The following ZMAT4 variants were observed in gnomAD, a reference collection of about 807,000 sequenced individuals.
The protein encoded by ZMAT4 is zinc finger matrin-type protein 4.
ZMAT4 carries 17 observed loss-of-function variants against 28.7 expected under a neutral mutation model. The ratio of observed to expected loss-of-function variants is 0.59; its 90% CI spans 0.41 to 0.89. The LOEUF (loss-of-function observed/expected upper bound fraction) is 0.89. Among genes scored for constraint, ZMAT4 ranks in the 40% least tolerant of loss-of-function variants. The pLI is 0.00. For missense variants in ZMAT4, 240 were observed against 283.8 expected (o/e 0.85, Z 1.11); for synonymous variants, 117 against 109.2 (o/e 1.07, Z -0.44).
intron 5 of ZMAT4, among the ~76,000 whole-genome samples, chr8:40,620,257 T>C (rs1346741960): frequency 6.6e-6 from 1 of 152,192 alleles, no homozygotes; most frequent in Admixed American, 6.5e-5. Context: ...CTAACTATAA[T>C]GTGAGAAATA....
intron 3 of ZMAT4, among the ~76,000 whole-genome samples, chr8:40,702,956 T>C (rs972322346): frequency 6.6e-6 from 1 of 152,032 alleles, no homozygotes; most frequent in Non-Finnish European, 1.5e-5. Context: ...GAGATAACAA[T>C]CGATTAAAAA....
chr8:40,674,520 A>G, intron 5 of ZMAT4, 184 bp downstream of exon 5: 1 of 583,186 alleles, frequency 1.7e-6, no homozygotes, highest in Non-Finnish European at 3.0e-6. Flanking sequence ...GAAACAAAGG[A>G]GATTATAAAA....
intron 3 of ZMAT4, among the ~76,000 whole-genome samples, chr8:40,759,985 G>A (rs1451713451): frequency 6.6e-6 from 1 of 152,076 alleles, no homozygotes; most frequent in African/African-American, 2.4e-5. Flanking sequence ...TGGACAAAAT[G>A]CCCACTAACG....
At chr8:40,587,081 C>A (rs1804694073) in intron 5 of ZMAT4, among the ~76,000 whole-genome samples, 1 of 149,558 alleles carries the variant, frequency 6.7e-6, no homozygotes, top group Admixed American at 6.7e-5. Flanking sequence ...TGGAAATGGG[C>A]CTGAACTGCT....
intron 5 of ZMAT4, among the ~76,000 whole-genome samples, chr8:40,594,552 C>T (rs1175526691): frequency 6.6e-6 from 1 of 151,992 alleles, no homozygotes; most frequent in African/African-American, 2.4e-5. Context: ...ATAATTGTAC[C>T]TACTCAAAGA....
rs1260824374 is a variant in ZMAT4 at position 40,647,228 on chromosome 8, T to A, written c.577+27476A>T. Among the ~76,000 whole-genome samples the A allele has an allele frequency of 2.0e-5, 3 of 152,052 alleles. No homozygotes were observed. The East Asian group carries it at 5.8e-4, about 29-fold the overall frequency. ...GGTCAGTGGGTGCGCCCACCGTGCG[T>A]GAGCTGAAGCAGGGCGAGGCATTGC... is the stretch of plus-strand genomic sequence containing the variant. On this transcript the variant is annotated intron_variant, in intron 5 of 6. Coordinates refer to ENST00000297737, the MANE Select transcript of ZMAT4 (RefSeq NM_024645.3).
In ZMAT4 at chr8:40,674,924, G is replaced by C. The variant is rs367676607; in HGVS notation, c.357C>G (p.Pro119=). 1 of 1,611,914 alleles carries C rather than the reference G, an allele frequency of 6.2e-7. No homozygotes were observed. Among genetic ancestry groups the C allele is most frequent in the East Asian group, 2.2e-5 (1 of 44,830 alleles). The change falls in exon 5 of 7, where the codon CCC becomes CCG. Residue 119 remains proline, a synonymous_variant. Coordinates refer to ENST00000297737, the MANE Select transcript of ZMAT4 (RefSeq NM_024645.3). ...EKTPLKTTAT[P]LSPLKPPRMD... The stretch of plus-strand genomic sequence containing the variant: ...TCCGTGGGGGCTTAAGTGGGCTCAG[G>C]GGTGTTGCTGTGAAAGGAAACAACC...
rs545931958 is a variant in ZMAT4, at chr8:40,613,054, G to A, written c.578-31793C>T. 2.7e-3 allele frequency among the ~76,000 whole-genome samples: 403 copies of A among 151,168 alleles called. 1 individual carries two copies. The highest frequency in any genetic ancestry group is 4.9e-3 in the Admixed American group (74 of 15,192). Reference sequence around the variant, plus strand: ...TCTCAAACTCCTGACCTCGTGATCCGCCCACCTCAGCCTCCCAAAGTGCTG... The same window carrying A: ...TCTCAAACTCCTGACCTCGTGATCCACCCACCTCAGCCTCCCAAAGTGCTG... On this transcript the variant is annotated intron_variant, in intron 5 of 6. Coordinates refer to ENST00000297737, the MANE Select transcript of ZMAT4 (RefSeq NM_024645.3).
intron 5 of ZMAT4, among the ~76,000 whole-genome samples, chr8:40,585,593 A>G (rs569198209): frequency 1.5e-3 from 234 of 152,290 alleles, no homozygotes; most frequent in Non-Finnish European, 2.7e-3. Flanking sequence ...TTTAAAAAAA[A>G]AGCTATTCCA....
chr8:40,709,105 C>T (rs138599411), intron 3 of ZMAT4, among the ~76,000 whole-genome samples: 39 of 152,262 alleles, frequency 2.6e-4, no homozygotes, highest in African/African-American at 8.4e-4. Context: ...AAAATGTCAG[C>T]GTTTGCATAT....
chr8:40,760,706 G>GTCTCTCTCTCTC (rs56024719), intron 3 of ZMAT4, among the ~76,000 whole-genome samples: 105 of 142,518 alleles, frequency 7.4e-4, no homozygotes, highest in African/African-American at 1.5e-3. Context: ...CTCTGTCACA[G>GTCTCTCTCTCTC]TCTCTCTCTC....
chr8:40,825,516 C>T, intron 2 of ZMAT4, 59 bp downstream of exon 2: 4 of 1,438,124 alleles, frequency 2.8e-6, no homozygotes, highest in Non-Finnish European at 3.8e-6. Context: ...AGTCCTACAA[C>T]AATGACCCGG....
intron 3 of ZMAT4, among the ~76,000 whole-genome samples, chr8:40,720,735 A>G (rs1811049126): frequency 1.3e-5 from 2 of 151,976 alleles, no homozygotes; most frequent in South Asian, 2.1e-4. Context: ...CATGTTAGCC[A>G]GGCTGGTCTT....
At chr8:40,799,108 TAG>T (rs750242558) in intron 2 of ZMAT4, among the ~76,000 whole-genome samples, 77 of 148,834 alleles carry the variant, frequency 5.2e-4, no homozygotes, top group African/African-American at 1.7e-3. Context: ...GATGGATTAA[TAG>T]AGAGAGAGAG....
intron 1 of ZMAT4, among the ~76,000 whole-genome samples, chr8:40,895,921 AC>A: frequency 6.6e-6 from 1 of 152,102 alleles, no homozygotes. Flanking sequence ...TCCATGACTA[AC>A]CATGCCCACC....
At chr8:40,708,837 T>C (rs897172346) in intron 3 of ZMAT4, among the ~76,000 whole-genome samples, 12 of 151,434 alleles carry the variant, frequency 7.9e-5, no homozygotes, top group African/African-American at 2.9e-4. Context: ...TTAGTAGAGA[T>C]GGGCTTTCAC....
At chr8:40,628,116 AG>A (rs1244698839) in intron 5 of ZMAT4, among the ~76,000 whole-genome samples, 4 of 152,284 alleles carry the variant, frequency 2.6e-5, no homozygotes, top group African/African-American at 9.6e-5. Flanking sequence ...TCTCCATTGG[AG>A]TCTCAACATC....
chr8:40,576,546 AC>A (rs2118527668), intron 6 of ZMAT4, among the ~76,000 whole-genome samples: 1 of 151,894 alleles, frequency 6.6e-6, no homozygotes, highest in East Asian at 1.9e-4. Context: ...AAAAAAAAAA[AC>A]TGTCAGTCAA....
At chr8:40,628,561 T>C (rs556259283) in intron 5 of ZMAT4, among the ~76,000 whole-genome samples, 1 of 152,296 alleles carries the variant, frequency 6.6e-6, no homozygotes, top group South Asian at 2.1e-4. Flanking sequence ...GGAGAATGGC[T>C]ATTATGGAAT....
Sources: allele counts gnomAD v4.1 joint callset (sites outside exome capture counted in the v4.1 genomes callset), GRCh38; gene constraint gnomAD v4.1.1; transcripts MANE v1.5; gene names NCBI Gene and HGNC (gene_info 2026-07-23, HGNC 2026-07-21).